The following TSHZ3 variants were observed in gnomAD, a reference collection of about 807,000 sequenced individuals.
TSHZ3 encodes the protein teashirt zinc finger homeobox 3, also known as teashirt homolog 3.
TSHZ3 carries 10 observed loss-of-function variants against 64.5 expected under a neutral mutation model. That is an observed-to-expected ratio of 0.16 (90% CI 0.10 to 0.26). The LOEUF (loss-of-function observed/expected upper bound fraction) is 0.26, where lower values mean the gene tolerates loss of function less well. TSHZ3 is among the 10% of genes least tolerant of loss of function. The probability of loss-of-function intolerance (pLI) is 1.00; values close to 1 mark genes in which losing one functional copy is unlikely to be tolerated. For missense variants in TSHZ3, 1,242 were observed against 1,421.7 expected, an observed-to-expected ratio of 0.87 and a Z score of 2.03; for synonymous variants, 608 against 593.1, an observed-to-expected ratio of 1.03 and a Z score of -0.36.
At chr19:31,170,222 C>T (rs1211569790) in intron 5 of TSHZ3, among the ~76,000 whole-genome samples, 1 of 152,072 alleles carries the variant, frequency 6.6e-6, no homozygotes, top group Non-Finnish European at 1.5e-5. Flanking sequence ...TGATCAGGTT[C>T]GGGTGAGGGC....
At chr19:31,179,067 G>C (rs559854898) in intron 5 of TSHZ3, among the ~76,000 whole-genome samples, 19 of 151,824 alleles carry the variant, frequency 1.3e-4, no homozygotes, top group African/African-American at 4.6e-4. Context: ...TGGTTGAATG[G>C]TCAGGATCCT....
At chr19:31,182,542 C>T (rs1974733686) in intron 5 of TSHZ3, among the ~76,000 whole-genome samples, 1 of 152,144 alleles carries the variant, frequency 6.6e-6, no homozygotes, top group Non-Finnish European at 1.5e-5. Flanking sequence ...AACTCCCAAC[C>T]CAACCCAAGA....
chr19:31,180,229 GTGAATGAA>G (rs753937957), intron 5 of TSHZ3, among the ~76,000 whole-genome samples: 1 of 152,108 alleles, frequency 6.6e-6, no homozygotes, highest in Admixed American at 6.5e-5. Flanking sequence ...TGATTAGTGA[GTGAATGAA>G]TGAATGAATG....
chr19:31,214,337 C>A (rs903352995), intron 4 of TSHZ3, among the ~76,000 whole-genome samples: 5 of 152,194 alleles, frequency 3.3e-5, no homozygotes, highest in Non-Finnish European at 7.3e-5. Flanking sequence ...AGCTGGGAAG[C>A]CAGAGGGCCT....
At chr19:31,174,261 C>A (rs1336002108) in intron 5 of TSHZ3, among the ~76,000 whole-genome samples, 1 of 152,106 alleles carries the variant, frequency 6.6e-6, no homozygotes, top group Non-Finnish European at 1.5e-5. Context: ...GCTCGAGACC[C>A]AAGAAGAGCA....
intron 1 of TSHZ3, among the ~76,000 whole-genome samples, chr19:31,259,961 G>A (rs898313742): frequency 8.5e-5 from 13 of 152,126 alleles, no homozygotes; most frequent in Admixed American, 3.9e-4. Context: ...CCAGTTGCGC[G>A]GGAGAGAGGA....
chr19:31,167,722 C>T (rs1568334982), intron 5 of TSHZ3: 1 of 152,198 alleles, frequency 6.6e-6, no homozygotes, highest in Non-Finnish European at 1.5e-5. Flanking sequence ...TGTCACTGAA[C>T]ACAGAGTCAT....
intron 3 of TSHZ3, among the ~76,000 whole-genome samples, chr19:31,234,725 G>C (rs528854949): frequency 1.0e-3 from 156 of 152,186 alleles, no homozygotes; most frequent in Non-Finnish European, 1.7e-3. Flanking sequence ...GCAATACTGA[G>C]ATGCAGTCTT....
chr19:31,223,708 G>C (rs1975420672), intron 4 of TSHZ3, among the ~76,000 whole-genome samples: 1 of 152,170 alleles, frequency 6.6e-6, no homozygotes, highest in African/African-American at 2.4e-5. Context: ...AAAGTTTCCT[G>C]TCCTGGAAGA....
At chr19:31,169,256 C>A (rs1390123140) in intron 5 of TSHZ3, among the ~76,000 whole-genome samples, 1 of 152,148 alleles carries the variant, frequency 6.6e-6, no homozygotes, top group Admixed American at 6.5e-5. Flanking sequence ...ATAGAATAAC[C>A]ATATGACCCA....
chr19:31,247,266 A>G (rs1179199568), intron 1 of TSHZ3, among the ~76,000 whole-genome samples: 1 of 152,190 alleles, frequency 6.6e-6, no homozygotes, highest in Non-Finnish European at 1.5e-5. Context: ...TCAAAGGAAA[A>G]GGACATTTTC....
intron 1 of TSHZ3, among the ~76,000 whole-genome samples, chr19:31,297,252 C>T (rs950536729): frequency 2.0e-5 from 3 of 152,170 alleles, no homozygotes; most frequent in Non-Finnish European, 2.9e-5. Flanking sequence ...CGGATCACGT[C>T]GCCAGCATTC....
chr19:31,258,085 C>T (rs1599608532), intron 1 of TSHZ3, among the ~76,000 whole-genome samples: 1 of 152,218 alleles, frequency 6.6e-6, no homozygotes, highest in South Asian at 2.1e-4. Context: ...AGAAGACTCC[C>T]GGAAACAAGC....
At chr19:31,244,136 C>T (rs1267151149) in intron 1 of TSHZ3, among the ~76,000 whole-genome samples, 1 of 152,098 alleles carries the variant, frequency 6.6e-6, no homozygotes, top group Non-Finnish European at 1.5e-5. Flanking sequence ...GCATCTGTGT[C>T]TGCACCCAGA....
intron 5 of TSHZ3, among the ~76,000 whole-genome samples, chr19:31,159,852 C>A (rs1468393012): frequency 6.6e-6 from 1 of 151,984 alleles, no homozygotes; most frequent in Non-Finnish European, 1.5e-5. Context: ...GCCACCATGC[C>A]CAGCTAATCT....
intron 1 of TSHZ3, among the ~76,000 whole-genome samples, chr19:31,329,332 T>G (rs1193180626): frequency 6.6e-6 from 1 of 152,244 alleles, no homozygotes; most frequent in Non-Finnish European, 1.5e-5. Flanking sequence ...CGCTGCCTTG[T>G]GCATTCTGTG....
intron 5 of TSHZ3, among the ~76,000 whole-genome samples, chr19:31,169,936 T>C (rs776791402): frequency 1.9e-4 from 29 of 152,182 alleles, no homozygotes; most frequent in Non-Finnish European, 3.7e-4. Flanking sequence ...CAAACCCATC[T>C]TATGGGTTCT....
intron 1 of TSHZ3, among the ~76,000 whole-genome samples, chr19:31,288,215 T>C (rs1230911979): frequency 6.6e-6 from 1 of 152,030 alleles, no homozygotes; most frequent in Non-Finnish European, 1.5e-5. Flanking sequence ...GTCAGGTGTG[T>C]TTTCCCAAGC....
At chr19:31,338,399 G>C (rs1288825521) in intron 1 of TSHZ3, among the ~76,000 whole-genome samples, 1 of 152,196 alleles carries the variant, frequency 6.6e-6, no homozygotes, top group Non-Finnish European at 1.5e-5. Context: ...AAGGGGAAGA[G>C]GCTGCTGGGA....
Sources: allele counts gnomAD v4.1 joint callset (sites outside exome capture counted in the v4.1 genomes callset), GRCh38; gene constraint gnomAD v4.1.1; transcripts MANE v1.5; gene names NCBI Gene and HGNC (gene_info 2026-07-23, HGNC 2026-07-21).